The following PHEX variants were observed in gnomAD, a reference collection of about 807,000 sequenced individuals.
PHEX encodes the protein phosphate-regulating neutral endopeptidase PHEX.
Under a neutral mutation model 68.0 loss-of-function variants are expected in PHEX, and 16 were observed. That is an observed-to-expected ratio of 0.24 (90% CI 0.16 to 0.36). The LOEUF (loss-of-function observed/expected upper bound fraction) is 0.36, where lower values mean the gene tolerates loss of function less well. Among genes scored for constraint, PHEX ranks in the 10% least tolerant of loss-of-function variants. PHEX has a pLI of 1.00. For synonymous variants in PHEX, 208 were observed against 205.1 expected (o/e 1.01, Z -0.12); for missense variants, 480 against 575.5 (o/e 0.83, Z 1.70).
intron 18 of PHEX, among the ~76,000 whole-genome samples, chrX:22,224,986 T>TATGATTTATTATCATACAGCG (rs1260080448): frequency 2.3e-5 from 1 of 43,507 alleles, no homozygotes; most frequent in Non-Finnish European, 4.6e-5. Flanking sequence ...ATCATACAGC[T>TATGATTTATTATCATACAGCG]CTGTATGTCA....
chrX:22,093,842 T>C (rs1930010773), intron 6 of PHEX, 141 bp from the exon 7 acceptor site: 3 of 475,199 alleles, frequency 6.3e-6, no homozygotes, highest in Non-Finnish European at 1.2e-5. Context: ...TGGTATTGCA[T>C]AATGCCTGCA....
chrX:22,220,492 G>A (rs1432212193), intron 17 of PHEX, among the ~76,000 whole-genome samples: 1 of 111,001 alleles, frequency 9.0e-6, no homozygotes, highest in African/African-American at 3.3e-5. Flanking sequence ...TCTGAGATGA[G>A]AGTCTTAGCT....
intron 3 of PHEX, 39 bp downstream of exon 3, chrX:22,047,250 G>T (rs1319700791): frequency 1.8e-5 from 20 of 1,095,932 alleles, no homozygotes; most frequent in Non-Finnish European, 2.3e-5. Context: ...ACTTTATAGA[G>T]AGCAATATTT....
chrX:22,034,987 G>C (rs1926945945), intron 1 of PHEX, among the ~76,000 whole-genome samples: 1 of 110,723 alleles, frequency 9.0e-6, no homozygotes, highest in African/African-American at 3.3e-5. Context: ...TCTGCACCCA[G>C]GCAAAGTGCT....
chrX:22,105,964 T>G (rs1481021522), intron 9 of PHEX, among the ~76,000 whole-genome samples: 1 of 112,139 alleles, frequency 8.9e-6, no homozygotes, highest in African/African-American at 3.2e-5. Flanking sequence ...TCAGAGGCTT[T>G]AGGAAATGAT....
At chrX:22,133,444 T>C in intron 11 of PHEX, 79 bp from the exon 12 acceptor site, 5 of 739,142 alleles carry the variant, frequency 6.8e-6, no homozygotes, top group Admixed American at 6.7e-5. Flanking sequence ...TCATTTCTCA[T>C]GCAAGCCAAT....
chrX:22,226,140 C>T (rs1935486832), intron 18 of PHEX, among the ~76,000 whole-genome samples: 2 of 111,456 alleles, frequency 1.8e-5, no homozygotes, highest in African/African-American at 6.5e-5. Flanking sequence ...CCCATTAAAC[C>T]AGAGTCACTC....
chrX:22,053,984 G>T (rs768345821), intron 3 of PHEX, among the ~76,000 whole-genome samples: 112 of 110,576 alleles, frequency 1.0e-3, no homozygotes, highest in Non-Finnish European at 1.6e-3. Context: ...ATCATCTTTT[G>T]CAGACAATGG....
At chrX:22,149,984 C>G (rs1404749496) in intron 12 of PHEX, among the ~76,000 whole-genome samples, 1 of 111,220 alleles carries the variant, frequency 9.0e-6, no homozygotes, top group Non-Finnish European at 1.9e-5. Flanking sequence ...CCCAAGCCCC[C>G]CTCATCACTG....
intron 3 of PHEX, among the ~76,000 whole-genome samples, chrX:22,072,360 G>A (rs1040039416): frequency 4.5e-5 from 5 of 111,475 alleles, no homozygotes; most frequent in African/African-American, 1.6e-4. Flanking sequence ...GCCGTGAGCC[G>A]AGATCAAGCC....
At chrX:22,232,610 TTTTTTTTTTTTTTTTTG>T (rs1464018795) in intron 20 of PHEX, among the ~76,000 whole-genome samples, 4 of 67,798 alleles carry the variant, frequency 5.9e-5, no homozygotes, top group East Asian at 7.7e-4. Context: ...TTTTTTTTTT[TTTTTTTTTTTTTTTTTG>T]CTTTCCATTT....
At chrX:22,033,353 G>A (rs1263368843) in intron 1 of PHEX, among the ~76,000 whole-genome samples, 1 of 110,649 alleles carries the variant, frequency 9.0e-6, no homozygotes, top group African/African-American at 3.3e-5. Flanking sequence ...AGGCAAAGTG[G>A]GTGTAAGTGG....
chrX:22,121,618 G>A (rs1393248332), intron 11 of PHEX, among the ~76,000 whole-genome samples: 1 of 112,178 alleles, frequency 8.9e-6, no homozygotes, highest in Non-Finnish European at 1.9e-5. Flanking sequence ...CATTCTATAT[G>A]CAGAAGGTTA....
chrX:22,091,096 A>G (rs1306065977), intron 6 of PHEX, among the ~76,000 whole-genome samples: 3 of 111,958 alleles, frequency 2.7e-5, no homozygotes, highest in African/African-American at 9.8e-5. Flanking sequence ...TTCATTTCTG[A>G]CACTTTCAAT....
intron 18 of PHEX, among the ~76,000 whole-genome samples, chrX:22,224,961 GCTGTATGATTTATTATCATACAGCT>G (rs1367784836): frequency 2.1e-4 from 24 of 112,675 alleles, no homozygotes; most frequent in African/African-American, 4.9e-4. Flanking sequence ...ATCATACAGC[GCTGTATGATTTATTATCATACAGCT>G]CTGTATGTCA....
chrX:22,143,650 T>C (rs1932558684), intron 12 of PHEX, among the ~76,000 whole-genome samples: 1 of 112,228 alleles, frequency 8.9e-6, no homozygotes, highest in East Asian at 2.8e-4. Context: ...TTCCTGTGAA[T>C]GAGATCACGC....
intron 3 of PHEX, among the ~76,000 whole-genome samples, chrX:22,060,135 A>G (rs1422178356): frequency 2.1e-5 from 2 of 96,739 alleles, no homozygotes; most frequent in African/African-American, 7.9e-5. Flanking sequence ...AGCCTGGGTG[A>G]GAGAGCAAAG....
intron 3 of PHEX, among the ~76,000 whole-genome samples, chrX:22,053,057 C>A (rs1170971071): frequency 8.9e-6 from 1 of 112,013 alleles, no homozygotes; most frequent in Non-Finnish European, 1.9e-5. Context: ...AGTCCAGTTC[C>A]TGGCACATAG....
chrX:22,239,033 C>T (rs1277973653), intron 20 of PHEX, among the ~76,000 whole-genome samples: 1 of 111,947 alleles, frequency 8.9e-6, no homozygotes, highest in Admixed American at 9.4e-5. Flanking sequence ...GAGGAAGGAA[C>T]AGGCAGCAAT....
Sources: allele counts gnomAD v4.1 joint callset (sites outside exome capture counted in the v4.1 genomes callset), GRCh38; gene constraint gnomAD v4.1.1; transcripts MANE v1.5; gene names NCBI Gene and HGNC (gene_info 2026-07-23, HGNC 2026-07-21).